ENOSF1: variants seen among roughly 807,000 people sequenced by gnomAD.
The protein encoded by ENOSF1 is mitochondrial enolase superfamily member 1.
ENOSF1 carries 73 observed loss-of-function variants against 68.2 expected under a neutral mutation model. The ratio of observed to expected loss-of-function variants is 1.07; its 90% CI spans 0.89 to 1.30. The LOEUF (loss-of-function observed/expected upper bound fraction) is 1.30, where lower values mean the gene tolerates loss of function less well. ENOSF1 is among the 50% of genes most tolerant of loss of function. The pLI, the probability that ENOSF1 is intolerant of heterozygous loss-of-function variation, is 0.00. For synonymous variants in ENOSF1, 223 were observed against 210.4 expected (o/e 1.06, Z -0.52); for missense variants, 589 against 554.5 (o/e 1.06, Z -0.62).
chr18:685,787 A>G, intron 10 of ENOSF1, 134 bp downstream of exon 10: 1 of 706,838 alleles, frequency 1.4e-6, no homozygotes, highest in South Asian at 1.8e-5. Flanking sequence ...GAGCTCGCCT[A>G]CTGCAAGACC....
Position 673,002 on chromosome 18 carries a change from CTT to C in ENOSF1, c.*1301_*1302del. On this transcript the variant is annotated 3_prime_UTR_variant, in exon 16 of 16. Transcript: ENST00000647584. ...AAAATGGAAATGGCTGTTTAGGGTG[CTT>C]TCAAAGGAGCTCGAAGGATATTGTC... The C allele has an allele frequency of 6.4e-7, 1 of 1,553,380 alleles. No individual in the cohort carries two copies. The highest frequency in any genetic ancestry group is 8.8e-7 in the Non-Finnish European group (1 of 1,134,838).
At position 694,141 on chromosome 18, in the gene ENOSF1, G is replaced by A. The variant is rs1310695621; in HGVS notation, c.396+107C>T. ...GAAAAAAACACCAAAGCAATTATCT[G>A]TATTTCCTTTTGGGGGCTGCAGTGT... On this transcript the variant is annotated intron_variant, in intron 4 of 15. Coordinates refer to ENST00000647584, the MANE Select transcript of ENOSF1 (RefSeq NM_017512.7). The A allele has an allele frequency of 1.2e-5, 15 of 1,220,716 alleles. No homozygotes were observed. The East Asian group carries it at 3.8e-4, about 31-fold the overall frequency. The allele number at this position is 1,220,716 out of a possible 1,614,324, so 75.6% of individuals were successfully genotyped here.
chr18:685,651 A>G (rs2076548920), intron 10 of ENOSF1, among the ~76,000 whole-genome samples: 1 of 152,152 alleles, frequency 6.6e-6, no homozygotes. Flanking sequence ...CAGAGCACCA[A>G]TGGGAAAACT....
rs1462620779 is a variant in ENOSF1, at chr18:673,219, C to G, written c.*1086G>C. 2 of 405,746 alleles carry G rather than the reference C, an allele frequency of 4.9e-6. No individual in the cohort carries two copies. The highest frequency in any genetic ancestry group is 8.7e-6 in the Non-Finnish European group (2 of 229,092). The allele number at this position is 405,746 out of a possible 1,614,324, so 25.1% of individuals were successfully genotyped here. A position where few individuals can be genotyped will look rare whatever the true frequency, so the allele number is the denominator to read the frequency against. On this transcript the variant is annotated 3_prime_UTR_variant, in exon 16 of 16. Coordinates refer to ENST00000647584, the MANE Select transcript of ENOSF1 (RefSeq NM_017512.7). ...GAGTTAACTCACTGAGGGTATCTGA[C>G]AATGCTGAGGTTATGAACAAAGTGA...
intron 2 of ENOSF1, among the ~76,000 whole-genome samples, chr18:705,178 T>C (rs1268211072): frequency 6.6e-6 from 1 of 152,240 alleles, no homozygotes; most frequent in Non-Finnish European, 1.5e-5. Flanking sequence ...AGAGCGCTGA[T>C]GGTGCAAATA....
At chr18:693,487 T>A (rs2077408704) in intron 5 of ENOSF1, 10 of 985,408 alleles carry the variant, frequency 1.0e-5, no homozygotes, top group Non-Finnish European at 1.1e-5. Context: ...GATAATATCT[T>A]CATAATATTA....
At position 698,885 on chromosome 18, in the gene ENOSF1, T is replaced by C. The variant is rs943199262; in HGVS notation, c.194-1530A>G. On this transcript the variant is annotated intron_variant, in intron 2 of 15. Transcript: ENST00000647584. Reference sequence around the variant, plus strand: ...GATACACCTGCCTCGGCCACCAAAATTGCTGGGATTACAGGCCTGAGACAC... The same window carrying C: ...GATACACCTGCCTCGGCCACCAAAACTGCTGGGATTACAGGCCTGAGACAC... Among the ~76,000 whole-genome samples the C allele has an allele frequency of 8.5e-5, 13 of 152,180 alleles. 1 individual carries two copies. The highest frequency in any genetic ancestry group is 2.6e-4 in the Admixed American group (4 of 15,268).
Position 693,893 on chromosome 18 carries a change from G to C in ENOSF1, c.412C>G (p.Leu138Val). 6.2e-7 allele frequency: 1 copy of C among 1,614,048 alleles called. No homozygotes were observed. The highest frequency in any genetic ancestry group is 8.5e-7 in the Non-Finnish European group (1 of 1,180,004). ...ACAATGCTACTCACCATGTCCACAA[G>C]TAACTTCCAGACAGGCTTGAAGTAA... ...KQEGKPVWKLLVDMDPRMLVS... is the reference protein window; with the variant it reads ...KQEGKPVWKLVVDMDPRMLVS... Residue 138 changes from leucine to valine, a missense_variant, in exon 5 of 16, where the codon CTT becomes GTT. Coordinates refer to ENST00000647584, the MANE Select transcript of ENOSF1 (RefSeq NM_017512.7).
At position 673,058 on chromosome 18, in the gene ENOSF1, G is replaced by T; in HGVS notation, c.*1247C>A. 7.0e-7 allele frequency: 1 copy of T among 1,432,182 alleles called. No homozygotes were observed. The highest frequency in any genetic ancestry group is 9.3e-7 in the Non-Finnish European group (1 of 1,075,436). 88.7% of individuals were successfully genotyped at this position (1,432,182 alleles called of 1,614,324 possible). A position where few individuals can be genotyped will look rare whatever the true frequency, so the allele number is the denominator to read the frequency against. ...CTTTAGGGGTTGGGCTGGATGCCGA[G>T]GTAAAAGTTCTTTTTGCTCTAAAAG... On this transcript the variant is annotated 3_prime_UTR_variant, in exon 16 of 16. Coordinates refer to ENST00000647584, the MANE Select transcript of ENOSF1 (RefSeq NM_017512.7).
downstream of ENOSF1, among the ~76,000 whole-genome samples, chr18:668,524 C>A (rs1051391759): frequency 4.6e-5 from 7 of 152,110 alleles, no homozygotes; most frequent in Admixed American, 2.6e-4. Flanking sequence ...GTGTGTTGAG[C>A]TGCTAAACTC....
chr18:670,612 T>C lies in ENOSF1; in HGVS notation c.*3693A>G. The C allele has an allele frequency of 2.7e-6, 4 of 1,508,016 alleles. No individual in the cohort carries two copies. Among genetic ancestry groups the C allele is most frequent in the South Asian group, 1.2e-5 (1 of 81,154 alleles). 93.4% of individuals were successfully genotyped at this position (1,508,016 alleles called of 1,614,324 possible). A position where few individuals can be genotyped will look rare whatever the true frequency, so the allele number is the denominator to read the frequency against. ...CTCCACCATATGAGTTGGCTTCTGT[T>C]TCTCTCCTGTTTTACTTTGCCTTTA... On this transcript the variant is annotated 3_prime_UTR_variant, in exon 16 of 16. Coordinates refer to ENST00000647584, the MANE Select transcript of ENOSF1 (RefSeq NM_017512.7).
At chr18:667,601 T>TGATGGTGATGGA (rs1484804173), downstream of ENOSF1, 28 of 86,168 alleles carry the variant, frequency 3.2e-4, 10 homozygotes, top group African/African-American at 1.6e-3. Context: ...ATGGTGATGG[T>TGATGGTGATGGA]GATGGTGATG....
intron 2 of ENOSF1, among the ~76,000 whole-genome samples, chr18:705,250 C>T (rs948575091): frequency 6.6e-6 from 1 of 152,220 alleles, no homozygotes; most frequent in African/African-American, 2.4e-5. Context: ...TCCTTCTAGA[C>T]CCTTACCCTT....
Position 683,146 on chromosome 18 carries a change from C to T in ENOSF1, c.876+100G>A. The T allele has an allele frequency of 4.2e-6, 6 of 1,423,284 alleles. No individual in the cohort carries two copies. In the South Asian group the frequency reaches 8.0e-5, roughly 19 times the overall value. 88.2% of individuals were successfully genotyped at this position (1,423,284 alleles called of 1,614,324 possible). A position where few individuals can be genotyped will look rare whatever the true frequency, so the allele number is the denominator to read the frequency against. ...ATTTCAGCTACTTCAACAGGAAATG[C>T]AAGAGGGAACAAGTGAAGAAATTTT... is the stretch of plus-strand genomic sequence containing the variant. On this transcript the variant is annotated intron_variant, in intron 11 of 15. Coordinates refer to ENST00000647584, the MANE Select transcript of ENOSF1 (RefSeq NM_017512.7).
chr18:688,220 A>C, intron 9 of ENOSF1: 1 of 225,550 alleles, frequency 4.4e-6, no homozygotes. Context: ...CCCTCAAAGA[A>C]TGGAAAGTGC....
At chr18:710,579 A>G (rs1368647165) in intron 1 of ENOSF1, among the ~76,000 whole-genome samples, 1 of 151,934 alleles carries the variant, frequency 6.6e-6, no homozygotes, top group Non-Finnish European at 1.5e-5. Flanking sequence ...CAGTGGCATG[A>G]TCATAGCTCA....
intron 11 of ENOSF1, among the ~76,000 whole-genome samples, chr18:681,107 C>T (rs1353629843): frequency 2.0e-5 from 3 of 152,132 alleles, no homozygotes; most frequent in African/African-American, 7.2e-5. Context: ...GGTGATCCAC[C>T]CACCTCGGCC....
Position 674,211 on chromosome 18 carries a change from G to A in ENOSF1, c.*94C>T, listed in dbSNP as rs541772922. ...ACTTCTAGCTGAACTCATCTTGATC[G>A]GTAGGATTTTTTAAATCCATTTTTG... On this transcript the variant is annotated 3_prime_UTR_variant, in exon 16 of 16. Coordinates refer to ENST00000647584, the MANE Select transcript of ENOSF1 (RefSeq NM_017512.7). 104 of 830,178 alleles carry A rather than the reference G, an allele frequency of 1.3e-4. No homozygotes were observed. Among genetic ancestry groups the A allele is most frequent in the African/African-American group, 1.2e-3 (71 of 57,672 alleles). 51.4% of individuals were successfully genotyped at this position (830,178 alleles called of 1,614,324 possible).
At chr18:700,104 C>T (rs962418117) in intron 2 of ENOSF1, among the ~76,000 whole-genome samples, 9 of 152,200 alleles carry the variant, frequency 5.9e-5, no homozygotes, top group East Asian at 1.9e-4. Flanking sequence ...AAAGTGATGC[C>T]CCAAGCTTTT....
Sources: gnomAD v4.1 joint callset for allele counts (sites outside exome capture counted in the v4.1 genomes callset) on GRCh38, gnomAD v4.1.1 for gene constraint, MANE v1.5 for transcripts, NCBI Gene and HGNC (gene_info 2026-07-23, HGNC 2026-07-21) for gene names.